The following GARIN5B variants were observed in gnomAD, a reference collection of about 807,000 sequenced individuals.
GARIN5B encodes golgi associated RAB2 interactor family member 5B, also known as Golgi-associated RAB2 interactor protein 5B.
the GARIN5B span, among the ~76,000 whole-genome samples, chr19:55,355,980 C>T: frequency 1.3e-5 from 2 of 151,916 alleles, no homozygotes; most frequent in East Asian, 3.9e-4. Flanking sequence ...TGTGAGACCT[C>T]TTTTCTACAA....
the GARIN5B span, chr19:55,358,644 GGC>G: frequency 1.3e-6 from 2 of 1,551,342 alleles, no homozygotes; most frequent in South Asian, 2.4e-5. Flanking sequence ...AGCTGGCCGG[GGC>G]GGGAGGGCAC....
the GARIN5B span, chr19:55,359,507 G>C: frequency 1.5e-4 from 231 of 1,551,060 alleles, 1 homozygote; most frequent in Admixed American, 2.9e-3. Context: ...AGCAGGTACA[G>C]CTGGGGCCTT....
At chr19:55,356,829 T>C in the GARIN5B span, among the ~76,000 whole-genome samples, 1 of 151,776 alleles carries the variant, frequency 6.6e-6, no homozygotes, top group Non-Finnish European at 1.5e-5. Context: ...GGTGGGCAGA[T>C]CACCTGAGGT....
chr19:55,362,582 T>C, the GARIN5B span: 3 of 1,540,788 alleles, frequency 1.9e-6, no homozygotes, highest in Non-Finnish European at 2.6e-6. Context: ...CGGCACCTGG[T>C]CAGCACGAGG....
At chr19:55,361,655 T>C in the GARIN5B span, among the ~76,000 whole-genome samples, 2 of 24,994 alleles carry the variant, frequency 8.0e-5, no homozygotes, top group African/African-American at 1.0e-4. Context: ...CCCCAGCCTC[T>C]CCTCCCTTGA....
chr19:55,360,451 C>T, the GARIN5B span, among the ~76,000 whole-genome samples: 1 of 148,486 alleles, frequency 6.7e-6, no homozygotes, highest in Non-Finnish European at 1.5e-5. Context: ...GAGTCCAGGC[C>T]CCCAGCCCCT....
At chr19:55,360,980 C>G in the GARIN5B span, 1 of 1,549,398 alleles carries the variant, frequency 6.5e-7, no homozygotes, top group Non-Finnish European at 8.7e-7. Context: ...CACCCACCGG[C>G]AACAAGACCC....
chr19:55,355,911 G>A, the GARIN5B span, among the ~76,000 whole-genome samples: 1 of 150,848 alleles, frequency 6.6e-6, no homozygotes, highest in Non-Finnish European at 1.5e-5. Context: ...ACCTGAGCCT[G>A]GGTAGCTTGA....
At chr19:55,359,657 G>T in the GARIN5B span, 1 of 1,550,898 alleles carries the variant, frequency 6.4e-7, no homozygotes, top group Non-Finnish European at 8.7e-7. Flanking sequence ...GACAAGGCCA[G>T]ATGGGGCCTT....
chr19:55,358,531 TGGCTGCTCCTTCATCTC>T, the GARIN5B span: 39 of 34,158 alleles, frequency 1.1e-3, no homozygotes, highest in Non-Finnish European at 1.5e-3. Context: ...TCTCGCCCCA[TGGCTGCTCCTTCATCTC>T]GCCCCATGGC....
chr19:55,355,274 C>G, the GARIN5B span: 4 of 1,542,024 alleles, frequency 2.6e-6, no homozygotes, highest in Non-Finnish European at 3.5e-6. Context: ...CAGCGCTGGG[C>G]TCCTCTGGAC....
the GARIN5B span, chr19:55,359,186 G>A: frequency 6.4e-7 from 1 of 1,551,424 alleles, no homozygotes; most frequent in African/African-American, 1.4e-5. Context: ...AAAATCGCCA[G>A]GGAGCTTCCC....
chr19:55,358,810 C>A, the GARIN5B span: 1 of 1,548,194 alleles, frequency 6.5e-7, no homozygotes, highest in Non-Finnish European at 8.7e-7. Flanking sequence ...GCCTGCTGTG[C>A]TCCTGGGAGG....
At chr19:55,362,716 C>T in the GARIN5B span, 6 of 1,536,410 alleles carry the variant, frequency 3.9e-6, no homozygotes, top group Non-Finnish European at 3.5e-6. Context: ...GAACACTGGG[C>T]CCCCTTGATG....
At chr19:55,359,132 C>T in the GARIN5B span, 1 of 1,551,034 alleles carries the variant, frequency 6.4e-7, no homozygotes, top group Admixed American at 2.0e-5. Context: ...AGACTGGCTT[C>T]TCTCCAGCAC....
chr19:55,358,181 A>T, the GARIN5B span: 1 of 1,525,272 alleles, frequency 6.6e-7, no homozygotes, highest in Non-Finnish European at 8.8e-7. Flanking sequence ...TTCCTCCTGT[A>T]TCTCCTCTGC....
chr19:55,362,175 G>A, the GARIN5B span: 1 of 1,441,746 alleles, frequency 6.9e-7, no homozygotes. Flanking sequence ...CTTGGTCGCA[G>A]TCCCCTCTGG....
At chr19:55,362,620 T>A in the GARIN5B span, 1 of 1,547,326 alleles carries the variant, frequency 6.5e-7, no homozygotes, top group African/African-American at 1.4e-5. Flanking sequence ...CTCGGCGGGC[T>A]GGCCGATCAG....
At chr19:55,359,306 G>A in the GARIN5B span, 1 of 1,517,178 alleles carries the variant, frequency 6.6e-7, no homozygotes, top group Non-Finnish European at 8.8e-7. Context: ...AGCAGTGGGG[G>A]ACACAGCCTT....
Sources: allele counts gnomAD v4.1 joint callset (sites outside exome capture counted in the v4.1 genomes callset), GRCh38; gene constraint gnomAD v4.1.1; transcripts MANE v1.5; gene names NCBI Gene and HGNC (gene_info 2026-07-23, HGNC 2026-07-21).